The following LYSMD3 variants were observed in gnomAD, a reference collection of about 807,000 sequenced individuals.
LYSMD3 encodes the protein LysM domain containing 3.
Under a neutral mutation model 26.1 loss-of-function variants are expected in LYSMD3, and 13 were observed. The observed-to-expected ratio is 0.50, with a 90% CI of 0.32 to 0.79. LYSMD3 has a LOEUF of 0.79. LYSMD3 is among the 30% of genes least tolerant of loss of function. The pLI, the probability that LYSMD3 is intolerant of heterozygous loss-of-function variation, is 0.03. For missense variants in LYSMD3, 331 were observed against 362.5 expected (o/e 0.91, Z 0.71); for synonymous variants, 109 against 119.4 (o/e 0.91, Z 0.57).
chr5:90,525,883 A>C (rs1753211396), intron 1 of LYSMD3, among the ~76,000 whole-genome samples: 1 of 152,244 alleles, frequency 6.6e-6, no homozygotes, highest in Non-Finnish European at 1.5e-5. Context: ...ATATTAACAA[A>C]GGCAAATTGC....
At chr5:90,528,723 G>A (rs1282075784) in intron 1 of LYSMD3, among the ~76,000 whole-genome samples, 1 of 152,100 alleles carries the variant, frequency 6.6e-6, no homozygotes, top group East Asian at 1.9e-4. Context: ...CTTAGAGCAG[G>A]AAAAAGGCAC....
chr5:90,521,587 A>G (rs1304494790), intron 2 of LYSMD3, among the ~76,000 whole-genome samples: 2 of 152,136 alleles, frequency 1.3e-5, no homozygotes, highest in Non-Finnish European at 2.9e-5. Flanking sequence ...GTTTTGTCTT[A>G]TAGCAAATGA....
rs1218986819 is a variant in LYSMD3 at position 90,517,353 on chromosome 5, A to T, written c.*1466T>A. ...CTTATCAAAAGCCTGAAACATCAAC[A>T]ATTAGGAAATAATGCCCAGAAAATG... On this transcript the variant is annotated 3_prime_UTR_variant, in exon 3 of 3. Coordinates refer to ENST00000315948, the MANE Select transcript of LYSMD3 (RefSeq NM_198273.2). 6.6e-6 allele frequency: 1 copy of T among 152,032 alleles called. No homozygotes were observed. Among genetic ancestry groups the T allele is most frequent in the Admixed American group, 6.6e-5 (1 of 15,264 alleles). 9.4% of individuals were successfully genotyped at this position (152,032 alleles called of 1,614,324 possible).
Position 90,524,233 on chromosome 5 carries a change from C to CCATGATA in LYSMD3, c.255+795_255+801dup, listed in dbSNP as rs1753161464. 2.0e-5 allele frequency among the ~76,000 whole-genome samples: 3 copies of CCATGATA among 152,028 alleles called. No homozygotes were observed. The South Asian group carries it at 6.2e-4, about 32-fold the overall frequency. On this transcript the variant is annotated intron_variant, in intron 2 of 2. Transcript: ENST00000315948. The stretch of plus-strand genomic sequence containing the variant: ...CTTTGAGGGATGGTCATGAGGGTGT[C>CCATGATA]CATGATACACTAAAGAATGAAAAAT...
Position 90,518,590 on chromosome 5 carries a change from T to C in LYSMD3, c.*229A>G. 2 of 423,510 alleles carry C rather than the reference T, an allele frequency of 4.7e-6. No individual in the cohort carries two copies. The highest frequency in any genetic ancestry group is 8.3e-6 in the Non-Finnish European group (2 of 239,830). The allele number at this position is 423,510 out of a possible 1,614,324, so 26.2% of individuals were successfully genotyped here. A position where few individuals can be genotyped will look rare whatever the true frequency, so the allele number is the denominator to read the frequency against. On this transcript the variant is annotated 3_prime_UTR_variant, in exon 3 of 3. Coordinates refer to ENST00000315948, the MANE Select transcript of LYSMD3 (RefSeq NM_198273.2). ...AGTTAAGTACTTCCTAAACACACAT[T>C]TAAATTAATTTCTGCTTGAAACATT...
chr5:90,524,737 G>A lies in LYSMD3; in HGVS notation c.255+298C>T, dbSNP rs1021765353. Among the ~76,000 whole-genome samples the A allele has an allele frequency of 9.9e-5, 15 of 152,174 alleles. No individual in the cohort carries two copies. The East Asian group carries it at 2.1e-3, about 22-fold the overall frequency. On this transcript the variant is annotated intron_variant, in intron 2 of 2. Coordinates refer to ENST00000315948, the MANE Select transcript of LYSMD3 (RefSeq NM_198273.2). Reference sequence around the variant, plus strand: ...CTCCAGAGTAGCTGGGACTACAGGCGCCTGCCAACACGCCCGGCTAATTTT... The same window carrying A: ...CTCCAGAGTAGCTGGGACTACAGGCACCTGCCAACACGCCCGGCTAATTTT...
chr5:90,526,587 G>T (rs1157133956), intron 1 of LYSMD3, among the ~76,000 whole-genome samples: 3 of 152,264 alleles, frequency 2.0e-5, no homozygotes, highest in Middle Eastern at 6.8e-3. Context: ...TTCTTGTTGG[G>T]AAAGATGGAG....
At chr5:90,525,505 A>G (rs1477739962) in intron 1 of LYSMD3, among the ~76,000 whole-genome samples, 2 of 152,162 alleles carry the variant, frequency 1.3e-5, no homozygotes, top group African/African-American at 4.8e-5. Context: ...GCTGGAGTGC[A>G]GTAGTGCGAT....
rs779754258 is a variant in LYSMD3, at chr5:90,518,942, T to C, written c.798A>G (p.Pro266=). 35 of 1,613,968 alleles carry C rather than the reference T, an allele frequency of 2.2e-5. No individual in the cohort carries two copies. Among genetic ancestry groups the C allele is most frequent in the Non-Finnish European group, 2.9e-5 (34 of 1,179,988 alleles). ...SSHLHSKITP[P]SQQREMENGI... Reference sequence around the variant, plus strand: ...CATTTTCCATTTCTCTCTGCTGTGATGGGGGTGTGATTTTTGAATGTAAAT... The same window carrying C: ...CATTTTCCATTTCTCTCTGCTGTGACGGGGGTGTGATTTTTGAATGTAAAT... Residue 266 remains proline, a synonymous_variant, in exon 3 of 3, where the codon CCA becomes CCG. Transcript: ENST00000315948.
At chr5:90,522,689 C>G (rs1753121756) in intron 2 of LYSMD3, among the ~76,000 whole-genome samples, 1 of 152,210 alleles carries the variant, frequency 6.6e-6, no homozygotes. Flanking sequence ...CATTCTGTAT[C>G]ACTCCTGTTA....
At chr5:90,526,586 G>T (rs1398762597) in intron 1 of LYSMD3, among the ~76,000 whole-genome samples, 1 of 152,120 alleles carries the variant, frequency 6.6e-6, no homozygotes, top group Admixed American at 6.5e-5. Flanking sequence ...GTTCTTGTTG[G>T]GAAAGATGGA....
intron 1 of LYSMD3, 46 bp downstream of exon 1, chr5:90,529,402 C>T (rs992694361): frequency 4.4e-6 from 2 of 456,364 alleles, no homozygotes; most frequent in Non-Finnish European, 8.8e-6. Context: ...GGCTCAACCC[C>T]GCCCTCCTGG....
chr5:90,523,859 T>G (rs987934906), intron 2 of LYSMD3, among the ~76,000 whole-genome samples: 2 of 152,166 alleles, frequency 1.3e-5, no homozygotes, highest in African/African-American at 4.8e-5. Flanking sequence ...ACAAAAAGTT[T>G]GAAAACAAAT....
At chr5:90,525,383 C>T (rs1379528102) in intron 1 of LYSMD3, 83 bp from the exon 2 acceptor site, 2 of 1,290,388 alleles carry the variant, frequency 1.5e-6, no homozygotes, top group Non-Finnish European at 2.1e-6. Flanking sequence ...ATTCAGGACA[C>T]AATCTTTTGT....
rs1752939747 is a variant in LYSMD3, at chr5:90,516,137, A to G, written c.*2682T>C. The stretch of plus-strand genomic sequence containing the variant: ...AAGCAGGTAGAGTCCAGGAAAAGAA[A>G]AGCTGTAAATAAAAAGTCCTTTGGA... On this transcript the variant is annotated 3_prime_UTR_variant, in exon 3 of 3. Transcript: ENST00000315948. 1 of 152,102 alleles carries G rather than the reference A, an allele frequency of 6.6e-6. No individual in the cohort carries two copies. The highest frequency in any genetic ancestry group is 1.5e-5 in the Non-Finnish European group (1 of 67,966). The allele number at this position is 152,102 out of a possible 1,614,324, so 9.4% of individuals were successfully genotyped here.
chr5:90,523,753 A>G (rs1420989142), intron 2 of LYSMD3, among the ~76,000 whole-genome samples: 1 of 152,186 alleles, frequency 6.6e-6, no homozygotes, highest in Non-Finnish European at 1.5e-5. Flanking sequence ...ATTTGTAACT[A>G]TGTTAAGTCA....
chr5:90,528,582 A>G (rs943741772), intron 1 of LYSMD3, among the ~76,000 whole-genome samples: 3 of 152,244 alleles, frequency 2.0e-5, no homozygotes, highest in Non-Finnish European at 4.4e-5. Flanking sequence ...CTGAATGATC[A>G]AGAACTGGCT....
At chr5:90,525,400 T>C in intron 1 of LYSMD3, 100 bp from the exon 2 acceptor site, 1 of 1,195,990 alleles carries the variant, frequency 8.4e-7, no homozygotes. Flanking sequence ...TTGTTTTTGT[T>C]TTAATGGTTT....
rs748956752 is a variant in LYSMD3 at position 90,516,639 on chromosome 5, T to A, written c.*2180A>T. On this transcript the variant is annotated 3_prime_UTR_variant, in exon 3 of 3. Transcript: ENST00000315948. ...TTCTTTCCTAAACAGATTAGAACCATAATTCAATATGTAACCTTTATATAG... is the reference window on the plus strand; with the variant it reads ...TTCTTTCCTAAACAGATTAGAACCAAAATTCAATATGTAACCTTTATATAG... 2.4e-4 allele frequency: 37 copies of A among 152,312 alleles called. No homozygotes were observed. The highest frequency in any genetic ancestry group is 2.3e-3 in the Admixed American group (35 of 15,268). The allele number at this position is 152,312 out of a possible 1,614,324, so 9.4% of individuals were successfully genotyped here.
Sources: allele counts gnomAD v4.1 joint callset (sites outside exome capture counted in the v4.1 genomes callset), GRCh38; gene constraint gnomAD v4.1.1; transcripts MANE v1.5; gene names NCBI Gene and HGNC (gene_info 2026-07-23, HGNC 2026-07-21).